Variants in FGGY observed in about 807,000 individuals in gnomAD.
FGGY encodes FGGY carbohydrate kinase domain-containing protein.
A neutral mutation model predicts 71.3 loss-of-function variants in FGGY; 72 were observed. The ratio of observed to expected loss-of-function variants is 1.01; its 90% CI spans 0.84 to 1.23. The LOEUF (loss-of-function observed/expected upper bound fraction) is 1.23, where lower values mean the gene tolerates loss of function less well. FGGY is among the 50% of genes most tolerant of loss of function. FGGY has a pLI of 0.00. For missense variants in FGGY, 668 were observed against 682.3 expected, an observed-to-expected ratio of 0.98 and a Z score of 0.23; for synonymous variants, 251 against 250.3, an observed-to-expected ratio of 1.00 and a Z score of -0.02.
chr1:59,670,337 C>T (rs964147081), intron 13 of FGGY, among the ~76,000 whole-genome samples: 2 of 152,198 alleles, frequency 1.3e-5, no homozygotes, highest in Non-Finnish European at 2.9e-5. Flanking sequence ...TGCCTTTAAA[C>T]ATTGTATTGC....
rs553289976 is a variant in FGGY at position 59,728,504 on chromosome 1, G to T, written c.1513-29427G>T. ...TTCTTCTCTGATGCTTTTCTTTTAT[G>T]TAGGTCCAAGTTTTTGACCTATATC... On this transcript the variant is annotated intron_variant, in intron 14 of 15. Coordinates refer to ENST00000303721, the MANE Select transcript of FGGY (RefSeq NM_018291.5). Among the ~76,000 whole-genome samples, 19 of 151,786 alleles carry T rather than the reference G, an allele frequency of 1.3e-4. No homozygotes were observed. In the East Asian group the frequency reaches 2.9e-3, roughly 23 times the overall value.
chr1:59,531,663 C>G (rs866349574), intron 7 of FGGY, among the ~76,000 whole-genome samples: 1 of 152,292 alleles, frequency 6.6e-6, no homozygotes, highest in South Asian at 2.1e-4. Flanking sequence ...ACCTGCAACT[C>G]AGAGGCCAAG....
intron 9 of FGGY, among the ~76,000 whole-genome samples, chr1:59,614,789 A>C (rs2153827248): frequency 6.6e-6 from 1 of 152,350 alleles, no homozygotes; most frequent in South Asian, 2.1e-4. Flanking sequence ...CTGATAAGCA[A>C]CTTCAGCAAA....
chr1:59,301,298 T>G (rs78687390), intron 1 of FGGY, among the ~76,000 whole-genome samples: 3,497 of 152,332 alleles, frequency 0.023, 114 homozygotes, highest in African/African-American at 0.075. Flanking sequence ...ACTGGTATAT[T>G]GATTGTGTAT....
chr1:59,616,440 A>G (rs1253584597), intron 9 of FGGY, among the ~76,000 whole-genome samples: 6 of 152,132 alleles, frequency 3.9e-5, no homozygotes, highest in Non-Finnish European at 7.4e-5. Flanking sequence ...GTGAGAACAC[A>G]TGGACACAGG....
intron 8 of FGGY, among the ~76,000 whole-genome samples, chr1:59,606,058 A>G (rs1430230973): frequency 6.6e-6 from 1 of 152,076 alleles, no homozygotes; most frequent in Non-Finnish European, 1.5e-5. Flanking sequence ...GAATGAACAC[A>G]TGGTCTATCC....
At chr1:59,560,371 TATCCTGGATGGG>T (rs151000985) in intron 8 of FGGY, among the ~76,000 whole-genome samples, 3,243 of 152,256 alleles carry the variant, frequency 0.021, 96 homozygotes, top group African/African-American at 0.068. Context: ...TGTAATATGG[TATCCTGGATGGG>T]ATCCTGGAGC....
At chr1:59,638,413 G>C (rs772650319) in intron 11 of FGGY, 38 bp downstream of exon 11, 1 of 1,603,680 alleles carries the variant, frequency 6.2e-7, no homozygotes, top group Non-Finnish European at 8.5e-7. Flanking sequence ...GGTGAAGGCA[G>C]GCCAAAGGGC....
intron 15 of FGGY, among the ~76,000 whole-genome samples, chr1:59,758,834 G>A (rs1372528445): frequency 6.6e-6 from 1 of 152,112 alleles, no homozygotes; most frequent in African/African-American, 2.4e-5. Flanking sequence ...GTAGGGGGAG[G>A]TCAGCTCATA....
intron 12 of FGGY, among the ~76,000 whole-genome samples, chr1:59,664,765 A>C (rs1283963572): frequency 6.6e-6 from 1 of 152,220 alleles, no homozygotes; most frequent in Non-Finnish European, 1.5e-5. Flanking sequence ...ACCTTTCGTG[A>C]GCTGGACACT....
intron 4 of FGGY, among the ~76,000 whole-genome samples, chr1:59,351,615 A>G (rs530874302): frequency 6.6e-6 from 1 of 152,218 alleles, no homozygotes; most frequent in Non-Finnish European, 1.5e-5. Context: ...TGCTCAGTAC[A>G]TATTTTCTGA....
At position 59,728,779 on chromosome 1, in the gene FGGY, TG is replaced by T. The variant is rs987643762; in HGVS notation, c.1513-29150del. Among the ~76,000 whole-genome samples the T allele has an allele frequency of 2.6e-4, 39 of 152,106 alleles. 1 individual carries two copies. The highest frequency in any genetic ancestry group is 1.5e-5 in the Non-Finnish European group (1 of 67,972). ...TATGTTTGTTTCTCTATAGATTAGG[TG>T]GATTTCTTGCCCCCTTTGGCTTCTT... On this transcript the variant is annotated intron_variant, in intron 14 of 15. Transcript: ENST00000303721.
intron 2 of FGGY, among the ~76,000 whole-genome samples, chr1:59,323,001 C>A (rs1009310266): frequency 1.3e-5 from 2 of 151,982 alleles, no homozygotes; most frequent in African/African-American, 4.8e-5. Flanking sequence ...TGTTAGTGCC[C>A]CCGGAGAAGA....
chr1:59,452,475 G>A (rs1315231353), intron 5 of FGGY, among the ~76,000 whole-genome samples: 1 of 151,972 alleles, frequency 6.6e-6, no homozygotes, highest in East Asian at 1.9e-4. Context: ...ATTTCTCATT[G>A]TTTTCATCAT....
At chr1:59,725,311 C>G (rs1343632333) in intron 14 of FGGY, among the ~76,000 whole-genome samples, 1 of 152,124 alleles carries the variant, frequency 6.6e-6, no homozygotes, top group African/African-American at 2.4e-5. Context: ...TGGATTCTCT[C>G]CTTGGTTCCA....
chr1:59,307,656 A>T (rs2043652296), intron 1 of FGGY, among the ~76,000 whole-genome samples: 1 of 152,190 alleles, frequency 6.6e-6, no homozygotes, highest in African/African-American at 2.4e-5. Context: ...TTGATGTAAG[A>T]TGAGGGTTGG....
intron 4 of FGGY, among the ~76,000 whole-genome samples, chr1:59,363,845 A>G (rs944497097): frequency 1.3e-5 from 2 of 152,216 alleles, no homozygotes; most frequent in African/African-American, 4.8e-5. Context: ...GGGATCCATC[A>G]TAAGGAAGAG....
intron 6 of FGGY, among the ~76,000 whole-genome samples, chr1:59,466,907 G>A (rs1445786015): frequency 6.6e-6 from 1 of 152,140 alleles, no homozygotes; most frequent in African/African-American, 2.4e-5. Context: ...GTTGGTGGTA[G>A]TGTAAACTAG....
At chr1:59,558,914 C>T (rs539644824) in intron 8 of FGGY, among the ~76,000 whole-genome samples, 2 of 152,268 alleles carry the variant, frequency 1.3e-5, no homozygotes, top group African/African-American at 2.4e-5. Context: ...GATATCTTCC[C>T]TACCTGCACA....
Sources: gnomAD v4.1 joint callset for allele counts (sites outside exome capture counted in the v4.1 genomes callset) on GRCh38, gnomAD v4.1.1 for gene constraint, MANE v1.5 for transcripts, NCBI Gene and HGNC (gene_info 2026-07-23, HGNC 2026-07-21) for gene names.